The following SND1 variants were observed in gnomAD, a reference collection of about 807,000 sequenced individuals.
SND1 encodes the protein staphylococcal nuclease and tudor domain containing 1, also known as staphylococcal nuclease domain-containing protein 1.
A neutral mutation model predicts 121.7 loss-of-function variants in SND1; 38 were observed. The ratio of observed to expected loss-of-function variants is 0.31; its 90% confidence interval spans 0.24 to 0.41. The LOEUF is 0.41. SND1 is among the 10% of genes least tolerant of loss of function. The pLI is 1.00. For synonymous variants in SND1, 401 were observed against 447.4 expected, an observed-to-expected ratio of 0.90 and a Z score of 1.31; for missense variants, 868 against 1,184.6, an observed-to-expected ratio of 0.73 and a Z score of 3.92.
chr7:128,027,087 AT>A (rs1302925101), intron 16 of SND1: 5 of 152,574 alleles, frequency 3.3e-5, no homozygotes, highest in African/African-American at 1.2e-4. Flanking sequence ...ATTCAACAAT[AT>A]TTATTAAAAT....
At chr7:127,666,727 A>G (rs1223362905) in intron 1 of SND1, among the ~76,000 whole-genome samples, 1 of 152,218 alleles carries the variant, frequency 6.6e-6, no homozygotes, top group Non-Finnish European at 1.5e-5. Flanking sequence ...TGCCGGGATC[A>G]TAAACAAGTT....
chr7:127,931,773 A>G (rs1054585185), intron 15 of SND1, among the ~76,000 whole-genome samples: 1 of 152,246 alleles, frequency 6.6e-6, no homozygotes, highest in Non-Finnish European at 1.5e-5. Flanking sequence ...GCTCTTAAGA[A>G]TGATGCTAAA....
At chr7:127,678,732 T>G (rs1403304146) in intron 1 of SND1, among the ~76,000 whole-genome samples, 3 of 152,224 alleles carry the variant, frequency 2.0e-5, no homozygotes, top group South Asian at 4.1e-4. Context: ...TGATTCTTCC[T>G]GTGGAGGCAA....
chr7:127,818,633 G>A (rs535666198), intron 11 of SND1, among the ~76,000 whole-genome samples: 5 of 152,254 alleles, frequency 3.3e-5, no homozygotes, highest in African/African-American at 4.8e-5. Context: ...CTGTGTGTGC[G>A]TTGTATGATG....
chr7:127,999,596 G>T (rs373440368), intron 16 of SND1: 1 of 152,038 alleles, frequency 6.6e-6, no homozygotes, highest in Non-Finnish European at 1.5e-5. Flanking sequence ...CTGCTAGAAG[G>T]GTCCACAGTA....
intron 16 of SND1, among the ~76,000 whole-genome samples, chr7:128,055,577 CAG>C (rs1236831969): frequency 1.3e-5 from 2 of 152,146 alleles, no homozygotes; most frequent in Non-Finnish European, 1.5e-5. Flanking sequence ...GAGCAACCAA[CAG>C]AGAATAGATG....
intron 12 of SND1, among the ~76,000 whole-genome samples, chr7:127,863,922 G>T (rs76240249): frequency 2.2e-4 from 33 of 152,218 alleles, no homozygotes; most frequent in African/African-American, 7.5e-4. Context: ...AGGTTATGTT[G>T]TGGAGATAGG....
intron 15 of SND1, among the ~76,000 whole-genome samples, chr7:127,972,433 A>G (rs550412159): frequency 6.6e-6 from 1 of 151,450 alleles, no homozygotes; most frequent in Non-Finnish European, 1.5e-5. Flanking sequence ...TAATTTTTAT[A>G]TTTTTTATAG....
intron 16 of SND1, among the ~76,000 whole-genome samples, chr7:128,036,840 G>T (rs556951712): frequency 7.9e-5 from 12 of 152,240 alleles, no homozygotes; most frequent in Non-Finnish European, 1.5e-4. Flanking sequence ...ACTTCTGCAT[G>T]AAAATACACT....
At chr7:127,758,194 T>A (rs73234901) in intron 10 of SND1, among the ~76,000 whole-genome samples, 49,384 of 151,926 alleles carry the variant, frequency 0.33, 8,866 homozygotes, top group Admixed American at 0.41. Flanking sequence ...TTCATTTAAG[T>A]CATAAAACAG....
Position 127,772,331 on chromosome 7 carries a change from C to A in SND1, c.1153-35153C>A, listed in dbSNP as rs17151301. On this transcript the variant is annotated intron_variant, in intron 10 of 23. Transcript: ENST00000354725. ...AGGGCTTAGTATTTCCTCCGTAATT[C>A]GGTAAGAATATTTGCCCGTGCTCAC... Among the ~76,000 whole-genome samples, 633 of 152,236 alleles carry A rather than the reference C, an allele frequency of 4.2e-3. 7 individuals carry two copies. Among genetic ancestry groups the A allele is most frequent in the African/African-American group, 0.015 (608 of 41,534 alleles).
At chr7:127,967,736 C>G (rs1801887961) in intron 15 of SND1, among the ~76,000 whole-genome samples, 2 of 152,182 alleles carry the variant, frequency 1.3e-5, no homozygotes, top group African/African-American at 4.8e-5. Flanking sequence ...GGTTACTGTG[C>G]ATTTGCCAGG....
intron 15 of SND1, among the ~76,000 whole-genome samples, chr7:127,982,329 TAA>T (rs1802284580): frequency 6.6e-6 from 1 of 152,172 alleles, no homozygotes; most frequent in Non-Finnish European, 1.5e-5. Context: ...AACAACCTAA[TAA>T]AAGTCTATCC....
intron 22 of SND1, among the ~76,000 whole-genome samples, chr7:128,091,634 A>G (rs1793782185): frequency 6.6e-6 from 1 of 152,164 alleles, no homozygotes; most frequent in Non-Finnish European, 1.5e-5. Context: ...AGGCAGACAG[A>G]AGAGCTAGTG....
intron 1 of SND1, among the ~76,000 whole-genome samples, chr7:127,655,245 C>G (rs1295498824): frequency 6.6e-6 from 1 of 152,208 alleles, no homozygotes; most frequent in Non-Finnish European, 1.5e-5. Context: ...CCGTGAAAGA[C>G]ACAAGTTTCT....
At chr7:127,771,658 A>G (rs1797514934) in intron 10 of SND1, among the ~76,000 whole-genome samples, 1 of 152,200 alleles carries the variant, frequency 6.6e-6, no homozygotes, top group African/African-American at 2.4e-5. Flanking sequence ...ATACATACAC[A>G]TAGCTTAATA....
Position 128,043,347 on chromosome 7 carries a change from G to A in SND1, c.1780-31155G>A, listed in dbSNP as rs139144436. ...TATACATGTAATAAGGCCAAGGCAG[G>A]CAGATCACTTGAGGTCAGGAGTTCG... On this transcript the variant is annotated intron_variant, in intron 16 of 23. Transcript: ENST00000354725. Among the ~76,000 whole-genome samples the A allele has an allele frequency of 1.4e-4, 21 of 152,164 alleles. No individual in the cohort carries two copies. The East Asian group carries it at 4.1e-3, about 29-fold the overall frequency.
At chr7:127,682,629 G>A in intron 1 of SND1, among the ~76,000 whole-genome samples, 1 of 152,168 alleles carries the variant, frequency 6.6e-6, no homozygotes, top group East Asian at 1.9e-4. Context: ...CACAGCTTTG[G>A]CAGACTAATT....
chr7:127,692,677 C>A (rs575656522), intron 2 of SND1: 8 of 152,150 alleles, frequency 5.3e-5, no homozygotes, highest in Non-Finnish European at 1.0e-4. Flanking sequence ...ATATCTTGTC[C>A]AGTTATTGAA....
Sources: gnomAD v4.1 joint callset for allele counts (sites outside exome capture counted in the v4.1 genomes callset) on GRCh38, gnomAD v4.1.1 for gene constraint, MANE v1.5 for transcripts, NCBI Gene and HGNC (gene_info 2026-07-23, HGNC 2026-07-21) for gene names.